The following PLEC variants were observed in gnomAD, a reference collection of about 807,000 sequenced individuals.
PLEC encodes plectin, also known as hemidesmosomal protein 1.
In PLEC, 216 loss-of-function variants were observed where a neutral mutation model predicts 392.8. The observed-to-expected ratio is 0.55, with a 90% CI of 0.49 to 0.62. The LOEUF (loss-of-function observed/expected upper bound fraction) is 0.62. Ranked by LOEUF, PLEC falls within the 20% of genes least tolerant of loss-of-function variation. PLEC has a pLI of 0.00. For synonymous variants in PLEC, 3,621 were observed against 2,980.6 expected, an observed-to-expected ratio of 1.21 and a Z score of -7.00; for missense variants, 6,863 against 6,563.4, an observed-to-expected ratio of 1.05 and a Z score of -1.58.
chr8:143,923,462 G>T lies in PLEC; in HGVS notation c.6467C>A (p.Ala2156Asp). ...GTCAGCTGCCTGCTTCTGCCGCAGGGCCGCCTGCTCCGCCTGTGCCCGCCG... is the reference window on the plus strand; with the variant it reads ...GTCAGCTGCCTGCTTCTGCCGCAGGTCCGCCTGCTCCGCCTGTGCCCGCCG... ...AARRAQAEQA[A>D]LRQKQAADAE... Residue 2156 changes from alanine to aspartate, a missense_variant, in exon 31 of 32, where the codon GCC (alanine) becomes GAC (aspartate). By Grantham distance (126) the Ala-to-Asp change is moderately radical. Transcript: ENST00000345136. 6.2e-7 allele frequency: 1 copy of T among 1,607,160 alleles called. No individual in the cohort carries two copies. Among genetic ancestry groups the T allele is most frequent in the Non-Finnish European group, 8.5e-7 (1 of 1,179,524 alleles).
Position 143,932,854 on chromosome 8 carries a change from C to T in PLEC, c.1676G>A (p.Arg559Gln), listed in dbSNP as rs376555091. The change falls in exon 14 of 32, where the codon CGA becomes CAA. Residue 559 changes from arginine (R) to glutamine (Q), a missense_variant. Transcript: ENST00000345136. Reference sequence around the variant, plus strand: ...TTCTTCGATGGACTGGTGCAGGCCTCGGTGGCTGCCCAGCTGCGCCTCCAC... The same window carrying T: ...TTCTTCGATGGACTGGTGCAGGCCTTGGTGGCTGCCCAGCTGCGCCTCCAC... ...PSVEAQLGSH[R>Q]GLHQSIEEFR... The T allele has an allele frequency of 2.4e-5, 38 of 1,612,222 alleles. No individual in the cohort carries two copies. The highest frequency in any genetic ancestry group is 1.5e-4 in the African/African-American group (11 of 74,920).
chr8:143,927,134 C>A (rs1554706730), intron 28 of PLEC, 53 bp from the exon 29 acceptor site: 1 of 1,560,468 alleles, frequency 6.4e-7, no homozygotes, highest in African/African-American at 1.4e-5. Context: ...ATGGCCCCTG[C>A]CCAGCCCCTA....
Position 143,919,273 on chromosome 8 carries a change from G to C in PLEC, c.10548C>G (p.Asn3516Lys), listed in dbSNP as rs782398711. The C allele has an allele frequency of 1.2e-6, 2 of 1,613,934 alleles. No individual in the cohort carries two copies. The highest frequency in any genetic ancestry group is 1.7e-6 in the Non-Finnish European group (2 of 1,180,054). Residue 3516 changes from asparagine (N) to lysine (K), a missense_variant, in exon 32 of 32, where the codon AAC (asparagine) becomes AAG (lysine). Coordinates refer to ENST00000345136, the MANE Select transcript of PLEC (RefSeq NM_201384.3). Reference sequence around the variant, plus strand: ...GCCTGTACGTGAGGTTCTCATGCGTGTTGGGGTCAAAGAAGCCCTTGGTGT... The same window carrying C: ...GCCTGTACGTGAGGTTCTCATGCGTCTTGGGGTCAAAGAAGCCCTTGGTGT... ...SDDTKGFFDPNTHENLTYRQL... is the reference protein window; with the variant it reads ...SDDTKGFFDPKTHENLTYRQL...
At chr8:143,927,789 G>A in intron 26 of PLEC, 23 bp from the exon 27 acceptor site, 2 of 1,593,618 alleles carry the variant, frequency 1.3e-6, no homozygotes, top group Non-Finnish European at 1.7e-6. Flanking sequence ...GGAGGGACAT[G>A]TGCGGCTTCA....
rs782326386 is a variant in PLEC, at chr8:143,917,238, T to C, written c.12583A>G (p.Ile4195Val). The change falls in exon 32 of 32, where the codon ATC (isoleucine) becomes GTC (valine). Residue 4195 changes from isoleucine to valine, a missense_variant. Transcript: ENST00000345136. ...SSDGVVKSMIIDRRSGRQYDI... is the reference protein window; with the variant it reads ...SSDGVVKSMIVDRRSGRQYDI... ...TACTGGCGCCCGGAGCGGCGGTCGA[T>C]GATCATGGACTTGACCACGCCGTCC... 1.2e-6 allele frequency: 2 copies of C among 1,612,796 alleles called. No homozygotes were observed. The highest frequency in any genetic ancestry group is 2.2e-5 in the East Asian group (1 of 44,858).
rs1554713801 is a variant in PLEC, at chr8:143,930,429, C to A, written c.2412G>T (p.Arg804=). ...LKPRHPAHPM[R]GRLPLLAVCD... is the part of the protein sequence containing the mutation. ...ACACGGCCAGCAGGGGCAGGCGGCC[C>A]CGCATGGGGTGGGCTGGGTGGCGGG... Residue 804 remains arginine, a synonymous_variant, in exon 20 of 32, where the codon CGG becomes CGT. Coordinates refer to ENST00000345136, the MANE Select transcript of PLEC (RefSeq NM_201384.3). The A allele has an allele frequency of 1.9e-6, 3 of 1,573,744 alleles. No individual in the cohort carries two copies. The highest frequency in any genetic ancestry group is 2.6e-6 in the Non-Finnish European group (3 of 1,160,930).
rs200230391 is a variant in PLEC, at chr8:143,927,238, C to A, written c.3840+14G>T. On this transcript the variant is annotated intron_variant, in intron 28 of 31. Transcript: ENST00000345136. Reference sequence around the variant, plus strand: ...TCCCGGACTTGGGGCCTGGTGCAGGCGGCTGGGCCTCACCTTGATGGCGTT... The same window carrying A: ...TCCCGGACTTGGGGCCTGGTGCAGGAGGCTGGGCCTCACCTTGATGGCGTT... The A allele has an allele frequency of 4.3e-6, 7 of 1,611,120 alleles. No individual in the cohort carries two copies. Among genetic ancestry groups the A allele is most frequent in the Non-Finnish European group, 5.1e-6 (6 of 1,178,164 alleles).
Position 143,969,311 on chromosome 8 carries a change from C to T in PLEC, c.70+4092G>A, listed in dbSNP as rs546933664. Among the ~76,000 whole-genome samples, 3 of 152,228 alleles carry T rather than the reference C, an allele frequency of 2.0e-5. No individual in the cohort carries two copies. Among genetic ancestry groups the T allele is most frequent in the African/African-American group, 7.2e-5 (3 of 41,450 alleles). Reference sequence around the variant, plus strand: ...TGTCTGCCTGAGCCCCTCAGCCCCCCCATTCTCCCTGTCCCCCATCCAGGG... The same window carrying T: ...TGTCTGCCTGAGCCCCTCAGCCCCCTCATTCTCCCTGTCCCCCATCCAGGG... On this transcript the variant is annotated intron_variant, in intron 1 of 31. Coordinates refer to the PLEC transcript ENST00000356346. The surrounding 1 kb of genome is among the most constrained non-coding windows in gnomAD (Gnocchi z 5.1).
In PLEC at chr8:143,919,268, T is replaced by C. The variant is rs369538885; in HGVS notation, c.10553A>G (p.His3518Arg). 1.5e-5 allele frequency: 24 copies of C among 1,613,896 alleles called. No homozygotes were observed. The highest frequency in any genetic ancestry group is 4.0e-5 in the African/African-American group (3 of 74,942). ...DTKGFFDPNT[H>R]ENLTYRQLLE... is the part of the protein sequence containing the mutation. ...CAGCTGCCTGTACGTGAGGTTCTCA[T>C]GCGTGTTGGGGTCAAAGAAGCCCTT... The change falls in exon 32 of 32, where the codon CAT becomes CGT. Residue 3518 changes from histidine to arginine, a missense_variant. By Grantham distance (29) the His-to-Arg change is conservative (BLOSUM62 0). Coordinates refer to ENST00000345136, the MANE Select transcript of PLEC (RefSeq NM_201384.3).
At position 143,920,428 on chromosome 8, in the gene PLEC, C is replaced by T. The variant is rs1554681765; in HGVS notation, c.9393G>A (p.Leu3131=). 2.5e-6 allele frequency: 4 copies of T among 1,597,180 alleles called. No individual in the cohort carries two copies. The highest frequency in any genetic ancestry group is 3.4e-6 in the Non-Finnish European group (4 of 1,174,292). The change falls in exon 32 of 32, where the codon CTG becomes CTA. Residue 3131 remains leucine (L), a synonymous_variant. Coordinates refer to ENST00000345136, the MANE Select transcript of PLEC (RefSeq NM_201384.3). ...TGGACAGCTGGGCGTCCAACAGGCG[C>T]AGGCCCTGCTCCCGGGGAATGAGGC... The part of the protein sequence containing the change: ...KKGLIPREQG[L]RLLDAQLSTG...
chr8:143,946,429 A>T, intron 1 of PLEC: 1 of 1,284,402 alleles, frequency 7.8e-7, no homozygotes, highest in Non-Finnish European at 1.0e-6. Flanking sequence ...GAGAGCCGGC[A>T]GGGAGGAAGG....
intron 1 of PLEC, among the ~76,000 whole-genome samples, chr8:143,970,676 T>C (rs1369293953): frequency 1.3e-5 from 2 of 152,112 alleles, no homozygotes; most frequent in Non-Finnish European, 2.9e-5. Flanking sequence ...ACCGCTCTCT[T>C]TTCAGTTATG....
upstream of PLEC, among the ~76,000 whole-genome samples, chr8:143,940,362 C>T (rs1554727827): frequency 6.6e-6 from 1 of 152,198 alleles, no homozygotes; most frequent in Non-Finnish European, 1.5e-5. Context: ...GGGGCCTCGC[C>T]AGTGAGTCAG....
chr8:143,931,685 C>T lies in PLEC; in HGVS notation c.2179-26G>A, dbSNP rs1481560527. The T allele has an allele frequency of 3.1e-6, 5 of 1,589,034 alleles. No homozygotes were observed. The Admixed American group carries it at 7.1e-5, about 22-fold the overall frequency. The stretch of plus-strand genomic sequence containing the variant: ...CTGGGGCAGCGGGAGGGGGTCACGC[C>T]AGGCTACCTGGGACCAGAGCCCCAG... On this transcript the variant is annotated intron_variant, in intron 18 of 31. Coordinates refer to ENST00000345136, the MANE Select transcript of PLEC (RefSeq NM_201384.3).
Position 143,930,313 on chromosome 8 carries a change from G to A in PLEC, c.2458-15C>T, listed in dbSNP as rs1483917923. 4 of 1,598,866 alleles carry A rather than the reference G, an allele frequency of 2.5e-6. No individual in the cohort carries two copies. The highest frequency in any genetic ancestry group is 2.2e-5 in the East Asian group (1 of 44,552). On this transcript the variant is annotated splice_polypyrimidine_tract_variant and intron_variant, in intron 20 of 31. Transcript: ENST00000345136. The stretch of plus-strand genomic sequence containing the variant: ...TGCACAGTCACCTGGGACGGGCAGA[G>A]TCGGTGAGGACATGGCCACACCCTG...
rs201831561 is a variant in PLEC at position 143,920,768 on chromosome 8, C to T, written c.9053G>A (p.Arg3018Gln). The T allele has an allele frequency of 1.7e-5, 28 of 1,606,316 alleles. No individual in the cohort carries two copies. The highest frequency in any genetic ancestry group is 2.2e-5 in the East Asian group (1 of 44,878). ...GATGACGTTGGCACCCCGGAGAGCC[C>T]GCCGCACAGTGTCCACCTCGGCTAC... ...RDVAEVDTVR[R>Q]ALRGANVIAG... Residue 3018 changes from arginine to glutamine, a missense_variant, in exon 32 of 32, where the codon CGG becomes CAG. Arg to Gln is a conservative substitution (Grantham distance 43). Transcript: ENST00000345136.
chr8:143,919,539 A>T lies in PLEC; in HGVS notation c.10282T>A (p.Ser3428Thr). The T allele has an allele frequency of 3.1e-6, 5 of 1,610,772 alleles. No homozygotes were observed. The highest frequency in any genetic ancestry group is 4.2e-6 in the Non-Finnish European group (5 of 1,179,354). Residue 3428 changes from serine (S) to threonine (T), a missense_variant, in exon 32 of 32, where the codon TCT (serine) becomes ACT (threonine). Ser to Thr is a moderately conservative substitution (Grantham distance 58, BLOSUM62 1). Coordinates refer to ENST00000345136, the MANE Select transcript of PLEC (RefSeq NM_201384.3). The part of the protein sequence containing the change: ...VGPELHEQLL[S>T]AEKAVTGYRD... ...TAGCCGGTGACGGCCTTCTCGGCAG[A>T]CAGCAGCTGCTCGTGAAGCTCGGGG...
At position 143,935,182 on chromosome 8, in the gene PLEC, G is replaced by A; in HGVS notation, c.718+16C>T. 1 of 1,611,802 alleles carries A rather than the reference G, an allele frequency of 6.2e-7. No homozygotes were observed. Among genetic ancestry groups the A allele is most frequent in the Non-Finnish European group, 8.5e-7 (1 of 1,178,962 alleles). On this transcript the variant is annotated intron_variant, in intron 7 of 31. Transcript: ENST00000345136. ...CAGCAGGGGAAGGGACAGGGAGGAA[G>A]GCCACGCAGACGTACCCTCAGGGTC...
intron 17 of PLEC, 41 bp downstream of exon 17, chr8:143,932,089 C>T (rs782266583): frequency 6.7e-5 from 105 of 1,569,978 alleles, no homozygotes; most frequent in African/African-American, 1.9e-4. Context: ...GGACCCGGCA[C>T]GGCCCCCCCC....
Sources: gnomAD v4.1 joint callset for allele counts (sites outside exome capture counted in the v4.1 genomes callset) on GRCh38, gnomAD v4.1.1 for gene constraint, Gnocchi (gnomAD v3.1) non-coding constraint, MANE v1.5 for transcripts, NCBI Gene and HGNC (gene_info 2026-07-23, HGNC 2026-07-21) for gene names.